The following COLEC10 variants were observed in gnomAD, a reference collection of about 807,000 sequenced individuals.
COLEC10 encodes the protein collectin-10.
Under a neutral mutation model 28.4 loss-of-function variants are expected in COLEC10, and 22 were observed. The ratio of observed to expected loss-of-function variants is 0.78; its 90% confidence interval spans 0.55 to 1.11. The LOEUF is 1.11. Among genes scored for constraint, COLEC10 ranks in the 50% least tolerant of loss-of-function variants. The probability of loss-of-function intolerance (pLI) is 0.00; values close to 1 mark genes in which losing one functional copy is unlikely to be tolerated. For missense variants in COLEC10, 361 were observed against 344.1 expected, an observed-to-expected ratio of 1.05 and a Z score of -0.39; for synonymous variants, 125 against 116.1, an observed-to-expected ratio of 1.08 and a Z score of -0.49.
At chr8:119,009,764 C>T (rs1813871452) in intron 2 of COLEC10, among the ~76,000 whole-genome samples, 1 of 150,106 alleles carries the variant, frequency 6.7e-6, no homozygotes, top group Non-Finnish European at 1.5e-5. Context: ...GAAATCACTT[C>T]AAGAAGATTA....
intron 2 of COLEC10, among the ~76,000 whole-genome samples, chr8:119,020,626 C>A (rs1259563695): frequency 6.6e-6 from 1 of 152,078 alleles, no homozygotes; most frequent in Non-Finnish European, 1.5e-5. Context: ...CAGGAAGTAG[C>A]TAACTGAGCA....
At chr8:118,955,355 CT>C in the COLEC10 span, among the ~76,000 whole-genome samples, 15 of 152,168 alleles carry the variant, frequency 9.9e-5, no homozygotes, top group Non-Finnish European at 2.1e-4. Flanking sequence ...AGCTGACTCA[CT>C]TTCTGATGAA....
At chr8:119,023,013 A>T (rs1814125916) in intron 2 of COLEC10, among the ~76,000 whole-genome samples, 1 of 152,098 alleles carries the variant, frequency 6.6e-6, no homozygotes, top group African/African-American at 2.4e-5. Flanking sequence ...CTCCACTGGA[A>T]GCAACTGTGG....
At chr8:119,038,969 C>T (rs1182203426) in intron 2 of COLEC10, among the ~76,000 whole-genome samples, 1 of 152,042 alleles carries the variant, frequency 6.6e-6, no homozygotes, top group Non-Finnish European at 1.5e-5. Flanking sequence ...ATATGAATGA[C>T]TAAATATGTA....
intron 2 of COLEC10, among the ~76,000 whole-genome samples, chr8:119,054,644 T>A (rs1814732994): frequency 6.6e-6 from 1 of 152,124 alleles, no homozygotes; most frequent in Non-Finnish European, 1.5e-5. Flanking sequence ...TACTGGGTCC[T>A]GTCCCTAGAT....
At chr8:119,065,682 C>T (rs921125903), upstream of COLEC10, among the ~76,000 whole-genome samples, 8 of 151,836 alleles carry the variant, frequency 5.3e-5, no homozygotes, top group Middle Eastern at 3.4e-3. Flanking sequence ...CCTGGTGAAA[C>T]CCCAACCATA....
intron 1 of COLEC10, among the ~76,000 whole-genome samples, chr8:119,006,758 G>T (rs1470445954): frequency 2.0e-5 from 3 of 151,828 alleles, no homozygotes; most frequent in South Asian, 2.1e-4. Context: ...ATCTCCATCA[G>T]ATGTATCACC....
At chr8:119,000,671 C>G (rs2130060829) in intron 1 of COLEC10, among the ~76,000 whole-genome samples, 1 of 152,148 alleles carries the variant, frequency 6.6e-6, no homozygotes, top group South Asian at 2.1e-4. Context: ...GAATGGAGGT[C>G]AGGAAATTTC....
At chr8:119,065,554 C>T (rs894498351), upstream of COLEC10, among the ~76,000 whole-genome samples, 3 of 151,902 alleles carry the variant, frequency 2.0e-5, no homozygotes, top group African/African-American at 7.3e-5. Flanking sequence ...ATAAAGTGTA[C>T]AATAAATGTA....
At chr8:118,969,513 A>G in the COLEC10 span, among the ~76,000 whole-genome samples, 3 of 152,090 alleles carry the variant, frequency 2.0e-5, no homozygotes, top group East Asian at 5.8e-4. Flanking sequence ...CATCTGATCT[A>G]TACTACGCCT....
the COLEC10 span, among the ~76,000 whole-genome samples, chr8:118,981,996 C>CTTT: frequency 1.0e-3 from 148 of 147,604 alleles, no homozygotes; most frequent in African/African-American, 3.6e-3. Context: ...ATCACCCCTA[C>CTTT]TTTTTTTTTT....
the COLEC10 span, among the ~76,000 whole-genome samples, chr8:118,989,698 G>A: frequency 6.6e-6 from 1 of 150,884 alleles, no homozygotes; most frequent in Non-Finnish European, 1.5e-5. Context: ...AGCTTGTGGT[G>A]AAAGGATGAA....
the COLEC10 span, among the ~76,000 whole-genome samples, chr8:118,959,749 A>T: frequency 1.3e-5 from 2 of 152,214 alleles, no homozygotes; most frequent in Non-Finnish European, 2.9e-5. Context: ...GTCAGCTGGG[A>T]CATGTGTCCC....
intron 2 of COLEC10, among the ~76,000 whole-genome samples, chr8:119,033,480 A>G (rs1162216124): frequency 6.6e-6 from 1 of 152,138 alleles, no homozygotes; most frequent in Non-Finnish European, 1.5e-5. Context: ...CGGGAGAAAA[A>G]TTTTGCAATC....
chr8:119,034,276 A>T (rs1296002547), intron 2 of COLEC10, among the ~76,000 whole-genome samples: 4 of 152,132 alleles, frequency 2.6e-5, no homozygotes, highest in Non-Finnish European at 5.9e-5. Context: ...GCATTTGGAG[A>T]AATTCCTAAT....
At chr8:118,961,066 T>C in the COLEC10 span, among the ~76,000 whole-genome samples, 2 of 152,222 alleles carry the variant, frequency 1.3e-5, no homozygotes, top group Non-Finnish European at 2.9e-5. Flanking sequence ...ATAACATTTG[T>C]ATGGTGCTTT....
chr8:118,993,352 G>A (rs761660023), upstream of COLEC10, among the ~76,000 whole-genome samples: 5 of 151,608 alleles, frequency 3.3e-5, no homozygotes, highest in Non-Finnish European at 5.9e-5. Flanking sequence ...GTTTGTTTAT[G>A]TTTCATTTTG....
the COLEC10 span, among the ~76,000 whole-genome samples, chr8:118,978,294 T>A: frequency 6.6e-6 from 1 of 152,132 alleles, no homozygotes; most frequent in African/African-American, 2.4e-5. Context: ...TCACATTTCC[T>A]CAACCACTGA....
At chr8:119,097,820 G>A (rs1392626466) in intron 3 of COLEC10, among the ~76,000 whole-genome samples, 1 of 152,066 alleles carries the variant, frequency 6.6e-6, no homozygotes, top group African/African-American at 2.4e-5. Flanking sequence ...CAGAAGTGGA[G>A]GGAGAGGGTA....
Sources: allele counts gnomAD v4.1 joint callset (sites outside exome capture counted in the v4.1 genomes callset), GRCh38; gene constraint gnomAD v4.1.1; transcripts MANE v1.5; gene names NCBI Gene and HGNC (gene_info 2026-07-23, HGNC 2026-07-21).